Variants in SNX10 observed in about 807,000 individuals in gnomAD.
SNX10 encodes sorting nexin-10.
In SNX10, 25 loss-of-function variants were observed where a neutral mutation model predicts 28.5. The observed-to-expected ratio is 0.88, with a 90% CI of 0.64 to 1.22. The LOEUF (loss-of-function observed/expected upper bound fraction) is 1.22. Ranked by LOEUF, SNX10 falls within the 50% of genes most tolerant of loss-of-function variation. The pLI is 0.00. For synonymous variants in SNX10, 62 were observed against 81.4 expected (o/e 0.76, Z 1.28); for missense variants, 223 against 242.6 (o/e 0.92, Z 0.54).
intron 1 of SNX10, among the ~76,000 whole-genome samples, chr7:26,335,889 G>T (rs1027018499): frequency 6.6e-6 from 1 of 150,856 alleles, no homozygotes; most frequent in Non-Finnish European, 1.5e-5. Flanking sequence ...GACTACAGGC[G>T]CCCGCCACTG....
intron 1 of SNX10, among the ~76,000 whole-genome samples, chr7:26,324,974 A>T (rs536570442): frequency 5.1e-4 from 78 of 152,120 alleles, no homozygotes; most frequent in Non-Finnish European, 9.9e-4. Context: ...TGCCTTTTAA[A>T]GTGATAGGGA....
chr7:26,335,961 G>C (rs924865774), intron 1 of SNX10, among the ~76,000 whole-genome samples: 3 of 151,640 alleles, frequency 2.0e-5, no homozygotes, highest in Non-Finnish European at 2.9e-5. Flanking sequence ...TCGATCTCCT[G>C]ACCTCGTGAT....
At chr7:26,358,526 G>A (rs1788917562) in intron 2 of SNX10, among the ~76,000 whole-genome samples, 1 of 152,066 alleles carries the variant, frequency 6.6e-6, no homozygotes, top group Non-Finnish European at 1.5e-5. Flanking sequence ...TGTTGCTTGA[G>A]CCTAGGAGTT....
At chr7:26,350,843 A>G (rs1450621312) in intron 2 of SNX10, among the ~76,000 whole-genome samples, 1 of 152,242 alleles carries the variant, frequency 6.6e-6, no homozygotes, top group Admixed American at 6.5e-5. Flanking sequence ...ACCAGGTTTC[A>G]GAGAAGGCTG....
Position 26,304,999 on chromosome 7 carries a change from T to TG in SNX10, c.-24+12918dup, listed in dbSNP as rs1321243592. Among the ~76,000 whole-genome samples the TG allele has an allele frequency of 2.0e-5, 3 of 152,092 alleles. No homozygotes were observed. The East Asian group carries it at 5.8e-4, about 29-fold the overall frequency. ...CGAATTCCCTGGAGGAGGGGGTGGA[T>TG]GGGGGAGGCCTCATGTGCTTTCTTT... On this transcript the variant is annotated intron_variant, in intron 1 of 6. Transcript: ENST00000338523.
intron 1 of SNX10, among the ~76,000 whole-genome samples, chr7:26,330,007 G>A (rs1030351280): frequency 7.2e-5 from 11 of 152,142 alleles, no homozygotes; most frequent in Admixed American, 6.5e-4. Flanking sequence ...TGGAACAGCC[G>A]ATTGGGTGAG....
intron 1 of SNX10, among the ~76,000 whole-genome samples, chr7:26,299,167 G>A: frequency 6.6e-6 from 1 of 152,072 alleles, no homozygotes; most frequent in East Asian, 1.9e-4. Context: ...AGATTAGAAA[G>A]GGAAAGGGAA....
chr7:26,343,079 C>G (rs935399168), intron 1 of SNX10, among the ~76,000 whole-genome samples: 1 of 152,184 alleles, frequency 6.6e-6, no homozygotes, highest in African/African-American at 2.4e-5. Flanking sequence ...GCTGAGATTA[C>G]AGGTGTGAGC....
Position 26,372,555 on chromosome 7 carries a change from G to A in SNX10, c.589G>A (p.Ala197Thr), listed in dbSNP as rs145175927. 6.3e-7 allele frequency: 1 copy of A among 1,598,502 alleles called. No homozygotes were observed. The highest frequency in any genetic ancestry group is 8.6e-7 in the Non-Finnish European group (1 of 1,165,902). The change falls in exon 7 of 7, where the codon GCT becomes ACT. Residue 197 changes from alanine (A) to threonine (T), a missense_variant. Transcript: ENST00000338523. ...TTCACATGGATGTAAAGTAAATACA[G>A]CTCCGCAGGAATCCTGAAAAATAAT... The part of the protein sequence containing the change: ...SSSHGCKVNT[A>T]PQES
intron 1 of SNX10, among the ~76,000 whole-genome samples, chr7:26,338,035 T>A (rs979571379): frequency 1.3e-5 from 2 of 152,160 alleles, no homozygotes; most frequent in African/African-American, 4.8e-5. Context: ...GGATTAGTGA[T>A]GTTGAGCATG....
At chr7:26,361,462 T>G (rs1358418733) in intron 3 of SNX10, among the ~76,000 whole-genome samples, 1 of 152,196 alleles carries the variant, frequency 6.6e-6, no homozygotes, top group Non-Finnish European at 1.5e-5. Context: ...AGATGTGTGG[T>G]GTTTTATATA....
chr7:26,338,603 GTGT>G (rs1468319973), intron 1 of SNX10, among the ~76,000 whole-genome samples: 3 of 152,032 alleles, frequency 2.0e-5, no homozygotes, highest in Admixed American at 6.5e-5. Flanking sequence ...GGGTTTCACC[GTGT>G]TGTTAGCCAG....
At chr7:26,319,352 C>A (rs117895611) in intron 1 of SNX10, among the ~76,000 whole-genome samples, 8 of 152,294 alleles carry the variant, frequency 5.3e-5, no homozygotes, top group Non-Finnish European at 1.0e-4. Context: ...TCATTCTTGC[C>A]ATTTCTGTTC....
At chr7:26,341,624 A>ATTGG in intron 1 of SNX10, among the ~76,000 whole-genome samples, 1 of 152,106 alleles carries the variant, frequency 6.6e-6, no homozygotes, top group South Asian at 2.1e-4. Flanking sequence ...CCTCCCAAGT[A>ATTGG]GCTGTTTATG....
In SNX10 at chr7:26,364,639, A is replaced by T. The variant is rs183941048; in HGVS notation, c.212+4A>T. The T allele has an allele frequency of 2.5e-4, 394 of 1,590,114 alleles. 2 individuals are homozygous for T. In the Admixed American group the frequency reaches 6.4e-3, roughly 26 times the overall value. On this transcript the variant is annotated splice_donor_region_variant and intron_variant, in intron 4 of 6. Transcript: ENST00000338523. The surrounding 1 kb of genome is among the most constrained non-coding windows in gnomAD (Gnocchi z 4.9). ...TCCAAAGTAATGCGTTGCTGGTGTA[A>T]GTGATTTAGAGTATACTGTGGAGAC... is the stretch of plus-strand genomic sequence containing the variant.
At chr7:26,372,195 T>C (rs557310165) in intron 6 of SNX10, 162 bp downstream of exon 6, 1 of 612,304 alleles carries the variant, frequency 1.6e-6, no homozygotes, top group South Asian at 2.1e-5. Flanking sequence ...CTGTGACAGC[T>C]CATCATAGTA....
chr7:26,305,291 C>T (rs1786540001), intron 1 of SNX10, among the ~76,000 whole-genome samples: 1 of 152,166 alleles, frequency 6.6e-6, no homozygotes, highest in Admixed American at 6.5e-5. Flanking sequence ...ACTTACAAAC[C>T]CAAGTCAAAG....
At chr7:26,321,000 T>C (rs1181711603) in intron 1 of SNX10, among the ~76,000 whole-genome samples, 3 of 152,208 alleles carry the variant, frequency 2.0e-5, no homozygotes, top group Non-Finnish European at 4.4e-5. Flanking sequence ...AGCTGACACA[T>C]GTGGCTTTAC....
chr7:26,360,864 C>A (rs1660099026), intron 2 of SNX10, 111 bp from the exon 3 acceptor site: 2 of 1,522,104 alleles, frequency 1.3e-6, no homozygotes, highest in African/African-American at 2.8e-5. Context: ...ACAAGTACCA[C>A]ATTGGTTAAA....
Sources: gnomAD v4.1 joint callset for allele counts (sites outside exome capture counted in the v4.1 genomes callset) on GRCh38, gnomAD v4.1.1 for gene constraint, Gnocchi (gnomAD v3.1) non-coding constraint, MANE v1.5 for transcripts, NCBI Gene and HGNC (gene_info 2026-07-23, HGNC 2026-07-21) for gene names.